The following RNF38 variants were observed in gnomAD, a reference collection of about 807,000 sequenced individuals.
RNF38 encodes the protein ring finger protein 38.
In RNF38, 15 loss-of-function variants were observed where a neutral mutation model predicts 67.2. The ratio of observed to expected loss-of-function variants is 0.22; its 90% CI spans 0.15 to 0.34. RNF38 has a LOEUF of 0.34. RNF38 is among the 10% of genes least tolerant of loss of function. RNF38 has a pLI of 1.00. For synonymous variants in RNF38, 220 were observed against 218.8 expected, an observed-to-expected ratio of 1.01 and a Z score of -0.05; for missense variants, 524 against 639.9, an observed-to-expected ratio of 0.82 and a Z score of 1.95.
At chr9:36,449,974 G>T (rs1026608686) in intron 1 of RNF38, among the ~76,000 whole-genome samples, 1 of 152,032 alleles carries the variant, frequency 6.6e-6, no homozygotes. Context: ...AAACATATTC[G>T]CTCTGTTCAC....
chr9:36,477,335 A>AG, intron 1 of RNF38, among the ~76,000 whole-genome samples: 1 of 151,648 alleles, frequency 6.6e-6, no homozygotes, highest in East Asian at 1.9e-4. Flanking sequence ...AAAAAAAAAA[A>AG]AAGATTACCT....
upstream of RNF38, chr9:36,400,515 C>G (rs1837933563): frequency 4.0e-6 from 4 of 994,834 alleles, no homozygotes; most frequent in Middle Eastern, 5.0e-4. Flanking sequence ...CAGCCCGTCC[C>G]GCCCTCGCGC....
In RNF38 at chr9:36,487,410, G is replaced by A. The variant is rs1230049046; in HGVS notation, n.139C>T. 1.2e-5 allele frequency: 12 copies of A among 981,666 alleles called. No individual in the cohort carries two copies. The Admixed American group carries it at 3.2e-4, about 26-fold the overall frequency. 60.8% of individuals were successfully genotyped at this position (981,666 alleles called of 1,614,324 possible). On this transcript the variant is annotated non_coding_transcript_exon_variant, in exon 1 of 4. Transcript: ENST00000488058. ...CGGTCCGTGGCGGCGGGCTCCGGCC[G>A]GGGCGGCGGCGGTGGGGGGCGCGGG...
chr9:36,442,943 A>C (rs916273322), intron 1 of RNF38, among the ~76,000 whole-genome samples: 3 of 152,194 alleles, frequency 2.0e-5, no homozygotes, highest in Non-Finnish European at 4.4e-5. Context: ...TTGCTCACCC[A>C]AATTCTTCAA....
chr9:36,339,750 G>T lies in RNF38; in HGVS notation c.*2C>A, dbSNP rs1275148314. On this transcript the variant is annotated 3_prime_UTR_variant, in exon 12 of 12. Transcript: ENST00000259605. ...AAACTAAATTTGTGCTTCTTAGGTT[G>T]GTCATTCTGAATCCCGATGCACTTC... 2 of 1,611,270 alleles carry T rather than the reference G, an allele frequency of 1.2e-6. No individual in the cohort carries two copies. The highest frequency in any genetic ancestry group is 1.3e-5 in the African/African-American group (1 of 74,836).
intron 1 of RNF38, among the ~76,000 whole-genome samples, chr9:36,457,645 C>G (rs960343320): frequency 1.2e-4 from 18 of 152,156 alleles, no homozygotes; most frequent in African/African-American, 4.3e-4. Context: ...TGGTGGCTCA[C>G]GTCTGTAATC....
chr9:36,396,738 A>G (rs939388972), intron 1 of RNF38, among the ~76,000 whole-genome samples: 4 of 151,958 alleles, frequency 2.6e-5, no homozygotes, highest in Non-Finnish European at 5.9e-5. Flanking sequence ...ATCTAATTGA[A>G]TGGAGTGAAT....
rs377661059 is a variant in RNF38, at chr9:36,409,580, A to C, written n.312+15033T>G. On this transcript the variant is annotated intron_variant and non_coding_transcript_variant, in intron 2 of 3. Coordinates refer to the RNF38 transcript ENST00000488058. The stretch of plus-strand genomic sequence containing the variant: ...TCTTTCCTCTAGGGAATTCTGGTGG[A>C]GCTCAAATACCTGTACAGTCAATAA... 7.4e-4 allele frequency among the ~76,000 whole-genome samples: 113 copies of C among 152,280 alleles called. 2 individuals carry two copies. The South Asian group carries it at 0.022, about 30-fold the overall frequency.
At chr9:36,388,986 G>T (rs987056035) in intron 2 of RNF38, among the ~76,000 whole-genome samples, 1 of 151,984 alleles carries the variant, frequency 6.6e-6, no homozygotes, top group African/African-American at 2.4e-5. Context: ...CTAGCTGAAG[G>T]TATCAGTATC....
At chr9:36,360,368 A>T (rs1834440216) in intron 4 of RNF38, among the ~76,000 whole-genome samples, 1 of 152,168 alleles carries the variant, frequency 6.6e-6, no homozygotes, top group Non-Finnish European at 1.5e-5. Context: ...TGGTATTTTT[A>T]AAAAACTTAG....
At chr9:36,398,642 T>C (rs1837734583) in intron 1 of RNF38, among the ~76,000 whole-genome samples, 1 of 152,206 alleles carries the variant, frequency 6.6e-6, no homozygotes, top group Non-Finnish European at 1.5e-5. Flanking sequence ...GTTCGCTCTT[T>C]CCAGAGAAAA....
At position 36,339,182 on chromosome 9, in the gene RNF38, A is replaced by G. The variant is rs1291151321; in HGVS notation, c.*570T>C. Reference sequence around the variant, plus strand: ...AGTGTACAGTACTAGTGCTGTTTAAATAACACACCAGATTATACATTGCAG... The same window carrying G: ...AGTGTACAGTACTAGTGCTGTTTAAGTAACACACCAGATTATACATTGCAG... On this transcript the variant is annotated 3_prime_UTR_variant, in exon 12 of 12. Coordinates refer to ENST00000259605, the MANE Select transcript of RNF38 (RefSeq NM_022781.5). 5.2e-5 allele frequency: 8 copies of G among 153,846 alleles called. No individual in the cohort carries two copies. In the East Asian group the frequency reaches 1.3e-3, roughly 26 times the overall value. The allele number at this position is 153,846 out of a possible 1,614,324, so 9.5% of individuals were successfully genotyped here.
chr9:36,447,422 G>A (rs1242817417), intron 1 of RNF38, among the ~76,000 whole-genome samples: 14 of 152,126 alleles, frequency 9.2e-5, no homozygotes, highest in Admixed American at 5.2e-4. Flanking sequence ...GCCATGATAC[G>A]AATTCATTTA....
In RNF38 at chr9:36,356,382, G is replaced by A. The variant is rs1451832103; in HGVS notation, c.830C>T (p.Pro277Leu). The change falls in exon 6 of 12, where the codon CCT becomes CTT. Residue 277 changes from proline to leucine, a missense_variant. Pro to Leu is a moderately conservative substitution (Grantham distance 98). Around this residue, in one of 2 missense-constraint regions of RNF38, gnomAD observed 461 missense variants for 517.4 expected, o/e 0.89. Coordinates refer to ENST00000259605, the MANE Select transcript of RNF38 (RefSeq NM_022781.5). Reference protein sequence around the residue: ...ISSDPFLIHPPHLSPHHPPHL... With the variant: ...ISSDPFLIHPLHLSPHHPPHL... ...AGGAGGATGATGGGGAGAAAGGTGA[G>A]GAGGATGTATAAGAAATGGATCACT... 6.2e-7 allele frequency: 1 copy of A among 1,614,052 alleles called. No homozygotes were observed. The highest frequency in any genetic ancestry group is 8.5e-7 in the Non-Finnish European group (1 of 1,179,996).
intron 1 of RNF38, among the ~76,000 whole-genome samples, chr9:36,439,790 C>CAA (rs1156589143): frequency 2.5e-3 from 191 of 76,062 alleles, no homozygotes; most frequent in Non-Finnish European, 2.7e-3. Flanking sequence ...GACTCTGTCT[C>CAA]AAAAAAAAAA....
intron 1 of RNF38, among the ~76,000 whole-genome samples, chr9:36,481,215 A>T (rs1043060395): frequency 6.6e-6 from 1 of 151,918 alleles, no homozygotes; most frequent in Non-Finnish European, 1.5e-5. Flanking sequence ...GGGTTTCACC[A>T]TGTTGGTCAG....
intron 1 of RNF38, among the ~76,000 whole-genome samples, chr9:36,428,931 A>T (rs1016906526): frequency 5.3e-5 from 8 of 152,100 alleles, no homozygotes; most frequent in African/African-American, 1.7e-4. Flanking sequence ...AAAGACTCTA[A>T]TCTCACTCCC....
At chr9:36,469,205 G>A (rs1391669797) in intron 1 of RNF38, among the ~76,000 whole-genome samples, 13 of 152,162 alleles carry the variant, frequency 8.5e-5, no homozygotes, top group Non-Finnish European at 1.9e-4. Flanking sequence ...TATCAGTTAG[G>A]TGGGGTTTAC....
intron 1 of RNF38, among the ~76,000 whole-genome samples, chr9:36,398,655 CTG>C (rs1398930467): frequency 6.6e-6 from 1 of 152,174 alleles, no homozygotes. Flanking sequence ...AGAGAAAAGG[CTG>C]TGAGTTAAGT....
Sources: allele counts gnomAD v4.1 joint callset (sites outside exome capture counted in the v4.1 genomes callset), GRCh38; gene constraint gnomAD v4.1.1; regional missense constraint gnomAD v4.1.1; transcripts MANE v1.5; gene names NCBI Gene and HGNC (gene_info 2026-07-23, HGNC 2026-07-21).